The following MEIS1 variants were observed in gnomAD, a reference collection of about 807,000 sequenced individuals.
MEIS1 encodes the protein homeobox protein Meis1.
A neutral mutation model predicts 50.8 loss-of-function variants in MEIS1; 5 were observed. That is an observed-to-expected ratio of 0.10 (90% CI 0.05 to 0.21). MEIS1 has a LOEUF of 0.21. MEIS1 is among the 10% of genes least tolerant of loss of function. The pLI, the probability that MEIS1 is intolerant of heterozygous loss-of-function variation, is 1.00. For synonymous variants in MEIS1, 176 were observed against 179.3 expected (o/e 0.98, Z 0.15); for missense variants, 318 against 517.3 (o/e 0.61, Z 3.74).
intron 6 of MEIS1, among the ~76,000 whole-genome samples, chr2:66,451,339 T>C (rs1274383464): frequency 1.3e-5 from 2 of 152,080 alleles, no homozygotes; most frequent in South Asian, 2.1e-4. Context: ...TCACATCCCA[T>C]AGAAACTCTT....
intron 6 of MEIS1, among the ~76,000 whole-genome samples, chr2:66,453,470 G>A (rs1404977834): frequency 6.6e-6 from 1 of 151,900 alleles, no homozygotes; most frequent in Non-Finnish European, 1.5e-5. Context: ...CTTGACCGTT[G>A]TAGGAACCAG....
intron 4 of MEIS1, 29 bp from the exon 5 acceptor site, chr2:66,441,385 G>T (rs1356475205): frequency 6.5e-7 from 1 of 1,538,402 alleles, no homozygotes; most frequent in Non-Finnish European, 8.8e-7. Flanking sequence ...GCCAGGAATG[G>T]GGTGCTTATT....
rs962995079 is a variant in MEIS1 at position 66,439,381 on chromosome 2, C to T, written c.240-462C>T. On this transcript the variant is annotated intron_variant, in intron 2 of 12. Transcript: ENST00000272369. ...CCCCAAGTTAGCTGAGCGCCTGCCA[C>T]CGAGATCCCCCGAGCCTGGGCTTCG... 1.4e-5 allele frequency: 18 copies of T among 1,255,854 alleles called. No individual in the cohort carries two copies. In the African/African-American group the frequency reaches 2.8e-4, roughly 19 times the overall value. The allele number at this position is 1,255,854 out of a possible 1,614,324, so 77.8% of individuals were successfully genotyped here. A position where few individuals can be genotyped will look rare whatever the true frequency, so the allele number is the denominator to read the frequency against.
chr2:66,444,615 C>T (rs1198060917), intron 6 of MEIS1, among the ~76,000 whole-genome samples: 6 of 152,230 alleles, frequency 3.9e-5, no homozygotes, highest in African/African-American at 1.2e-4. Context: ...CCCAGTGCGG[C>T]CCCACAGAAG....
intron 4 of MEIS1, 46 bp downstream of exon 4, chr2:66,440,658 C>A: frequency 7.6e-7 from 1 of 1,315,574 alleles, no homozygotes; most frequent in Non-Finnish European, 1.1e-6. Flanking sequence ...GACCCCCTAC[C>A]TCCCACCTCC....
intron 8 of MEIS1, among the ~76,000 whole-genome samples, chr2:66,538,321 G>A (rs1320541893): frequency 1.3e-5 from 2 of 152,180 alleles, no homozygotes; most frequent in African/African-American, 2.4e-5. Context: ...AATGGTAAGA[G>A]TACTTATCTT....
intron 4 of MEIS1, 30 bp downstream of exon 4, chr2:66,440,642 GC>G (rs1671948053): frequency 1.5e-6 from 2 of 1,324,074 alleles, no homozygotes; most frequent in African/African-American, 2.4e-5. Context: ...TCCCTCCCCC[GC>G]CCCCGACCCC....
chr2:66,544,041 A>C lies in MEIS1; in HGVS notation c.889-3902A>C, dbSNP rs376363739. Among the ~76,000 whole-genome samples the C allele has an allele frequency of 4.6e-4, 70 of 152,294 alleles. 2 individuals are homozygous for C. In the South Asian group the frequency reaches 0.01, roughly 23 times the overall value. Reference sequence around the variant, plus strand: ...AGCAAAGGTGTTTGGGAGGATGGCAAGGAGTGACATAGGCCTTTAGTTGCA... The same window carrying C: ...AGCAAAGGTGTTTGGGAGGATGGCACGGAGTGACATAGGCCTTTAGTTGCA... On this transcript the variant is annotated intron_variant, in intron 8 of 12. Transcript: ENST00000272369.
At chr2:66,436,615 G>C (rs1671802605) in intron 1 of MEIS1, among the ~76,000 whole-genome samples, 2 of 152,294 alleles carry the variant, frequency 1.3e-5, no homozygotes, top group East Asian at 1.9e-4. Context: ...TCAAAGCCCT[G>C]TTTGCAAAAG....
chr2:66,537,886 C>G (rs937686619), intron 8 of MEIS1, among the ~76,000 whole-genome samples: 32 of 152,314 alleles, frequency 2.1e-4, no homozygotes, highest in African/African-American at 7.2e-4. Flanking sequence ...AAGATCCTTA[C>G]TTTATTGGAG....
chr2:66,508,117 C>A (rs2103844857), intron 7 of MEIS1, among the ~76,000 whole-genome samples: 1 of 152,318 alleles, frequency 6.6e-6, no homozygotes, highest in South Asian at 2.1e-4. Context: ...GTTTTGATAG[C>A]TCGGAAACTG....
chr2:66,437,649 T>C (rs1671833082), intron 1 of MEIS1, 88 bp from the exon 2 acceptor site: 1 of 1,176,658 alleles, frequency 8.5e-7, no homozygotes, highest in Admixed American at 1.9e-5. Context: ...CCCAGCTGTA[T>C]TGACCTTATA....
chr2:66,571,365 C>A lies in MEIS1; in HGVS notation c.*157C>A, dbSNP rs527882157. 1.2e-6 allele frequency: 2 copies of A among 1,601,100 alleles called. No individual in the cohort carries two copies. Among genetic ancestry groups the A allele is most frequent in the African/African-American group, 1.3e-5 (1 of 74,566 alleles). On this transcript the variant is annotated 3_prime_UTR_variant, in exon 13 of 13. Transcript: ENST00000272369. ...CCATCCTGCTCAGCTGCGTCATGGG[C>A]CCCCCATGCATACGTACATTCCTGG... is the stretch of plus-strand genomic sequence containing the variant.
At chr2:66,568,833 G>A (rs538769788) in intron 11 of MEIS1, 77 bp downstream of exon 11, 15 of 1,335,332 alleles carry the variant, frequency 1.1e-5, no homozygotes, top group South Asian at 4.7e-5. Flanking sequence ...AGGTAAATCC[G>A]CCTCATCCTT....
intron 7 of MEIS1, among the ~76,000 whole-genome samples, chr2:66,489,948 A>C (rs1489577674): frequency 6.6e-6 from 1 of 152,230 alleles, no homozygotes; most frequent in African/African-American, 2.4e-5. Flanking sequence ...CTTAAAAATC[A>C]ATCTGAATAA....
chr2:66,537,110 T>A (rs1028962540), intron 8 of MEIS1, among the ~76,000 whole-genome samples: 6 of 152,194 alleles, frequency 3.9e-5, no homozygotes, highest in South Asian at 4.1e-4. Context: ...TGGGCTTCAA[T>A]CCACGTCCCT....
In MEIS1 at chr2:66,543,970, A is replaced by G. The variant is rs1426585705; in HGVS notation, c.889-3973A>G. On this transcript the variant is annotated intron_variant, in intron 8 of 12. Transcript: ENST00000272369. Reference sequence around the variant, plus strand: ...AAGTGCCATCCATCTTGCCTTCACAAGAGCCTACTGATCTTTCTTAAACTG... The same window carrying G: ...AAGTGCCATCCATCTTGCCTTCACAGGAGCCTACTGATCTTTCTTAAACTG... Among the ~76,000 whole-genome samples the G allele has an allele frequency of 3.9e-5, 6 of 152,226 alleles. No homozygotes were observed. The East Asian group carries it at 1.2e-3, about 29-fold the overall frequency.
At chr2:66,506,054 G>A (rs557267599) in intron 7 of MEIS1, among the ~76,000 whole-genome samples, 4 of 152,158 alleles carry the variant, frequency 2.6e-5, no homozygotes, top group Admixed American at 1.3e-4. Flanking sequence ...TTTTATAAGC[G>A]ATGAACAAGT....
intron 7 of MEIS1, chr2:66,508,922 C>T (rs1242068954): frequency 7.0e-6 from 3 of 430,702 alleles, no homozygotes; most frequent in Admixed American, 6.0e-5. Context: ...CTTCATTTGG[C>T]GGCAGGAGAA....
Sources: gnomAD v4.1 joint callset for allele counts (sites outside exome capture counted in the v4.1 genomes callset) on GRCh38, gnomAD v4.1.1 for gene constraint, MANE v1.5 for transcripts, NCBI Gene and HGNC (gene_info 2026-07-23, HGNC 2026-07-21) for gene names.